The following MYOZ2 variants were observed in gnomAD, a reference collection of about 807,000 sequenced individuals.
MYOZ2 encodes the protein myozenin-2.
MYOZ2 carries 19 observed loss-of-function variants against 25.4 expected under a neutral mutation model. The ratio of observed to expected loss-of-function variants is 0.75; its 90% confidence interval spans 0.52 to 1.10. The LOEUF (loss-of-function observed/expected upper bound fraction) is 1.10, where lower values mean the gene tolerates loss of function less well. MYOZ2 is among the 50% of genes least tolerant of loss of function. MYOZ2 has a pLI of 0.00. For synonymous variants in MYOZ2, 92 were observed against 106.9 expected (o/e 0.86, Z 0.86); for missense variants, 270 against 317.9 (o/e 0.85, Z 1.15).
At chr4:119,152,907 G>C (rs1741484699) in intron 3 of MYOZ2, among the ~76,000 whole-genome samples, 1 of 152,042 alleles carries the variant, frequency 6.6e-6, no homozygotes, top group Non-Finnish European at 1.5e-5. Context: ...TAATAAAGAA[G>C]ATTGATACTC....
At chr4:119,174,545 T>G (rs1030222024) in intron 5 of MYOZ2, among the ~76,000 whole-genome samples, 2 of 152,168 alleles carry the variant, frequency 1.3e-5, no homozygotes, top group South Asian at 2.1e-4. Context: ...TGGTGGGGCC[T>G]TGGAGAACCT....
chr4:119,167,530 G>A (rs543574588), intron 5 of MYOZ2, among the ~76,000 whole-genome samples: 1 of 152,334 alleles, frequency 6.6e-6, no homozygotes. Flanking sequence ...TAGCTAAGAG[G>A]ATTGATGAAA....
At chr4:119,145,338 G>GT (rs60344545) in intron 2 of MYOZ2, among the ~76,000 whole-genome samples, 2,830 of 100,350 alleles carry the variant, frequency 0.028, 97 homozygotes, top group African/African-American at 0.064. Context: ...TGCGTGTGTG[G>GT]TTTTTTTTTT....
intron 5 of MYOZ2, among the ~76,000 whole-genome samples, chr4:119,182,211 A>G (rs1260110205): frequency 1.3e-5 from 2 of 152,238 alleles, no homozygotes; most frequent in East Asian, 1.9e-4. Flanking sequence ...CTCACTGGCT[A>G]TGGTAACTAT....
chr4:119,151,272 C>A (rs1176053717), intron 3 of MYOZ2, among the ~76,000 whole-genome samples: 2 of 151,994 alleles, frequency 1.3e-5, no homozygotes, highest in Admixed American at 1.3e-4. Flanking sequence ...GTAGATTTGG[C>A]ACTGAGGAAC....
chr4:119,143,821 G>A (rs1741226871), intron 2 of MYOZ2, among the ~76,000 whole-genome samples: 1 of 152,066 alleles, frequency 6.6e-6, no homozygotes, highest in African/African-American at 2.4e-5. Context: ...TTTTCCGACT[G>A]GCTTCTTTTA....
intron 4 of MYOZ2, among the ~76,000 whole-genome samples, chr4:119,159,287 A>C (rs1395453248): frequency 1.3e-5 from 2 of 152,062 alleles, no homozygotes; most frequent in Non-Finnish European, 2.9e-5. Flanking sequence ...TAAATAAAAC[A>C]AAAAAGAATT....
At chr4:119,184,010 T>C (rs559682225) in intron 5 of MYOZ2, among the ~76,000 whole-genome samples, 1 of 152,180 alleles carries the variant, frequency 6.6e-6, no homozygotes, top group African/African-American at 2.4e-5. Flanking sequence ...GAGATGGGTT[T>C]CTCCATGTTG....
chr4:119,156,634 T>A (rs189922740), intron 3 of MYOZ2, among the ~76,000 whole-genome samples: 1 of 152,354 alleles, frequency 6.6e-6, no homozygotes, highest in East Asian at 1.9e-4. Context: ...GTATTTTTGT[T>A]TAAAAAGCTA....
At chr4:119,139,818 T>C (rs1741122555) in intron 2 of MYOZ2, among the ~76,000 whole-genome samples, 1 of 152,200 alleles carries the variant, frequency 6.6e-6, no homozygotes, top group Admixed American at 6.5e-5. Context: ...TAAGCTTCAG[T>C]CACCCTACAG....
chr4:119,151,057 A>G lies in MYOZ2; in HGVS notation c.246+16A>G, dbSNP rs781452916. ...ACAAATAAATGTAGGTATAACTTGA[A>G]CAGGTAGTATCCAAATGAATGCGCA... is the stretch of plus-strand genomic sequence containing the variant. On this transcript the variant is annotated intron_variant, in intron 3 of 5. Coordinates refer to ENST00000307128, the MANE Select transcript of MYOZ2 (RefSeq NM_016599.5). 6.9e-6 allele frequency: 11 copies of G among 1,592,908 alleles called. No individual in the cohort carries two copies. The South Asian group carries it at 1.2e-4, about 18-fold the overall frequency.
chr4:119,184,673 CTCTG>C (rs1474984902), intron 5 of MYOZ2, among the ~76,000 whole-genome samples: 4 of 152,326 alleles, frequency 2.6e-5, no homozygotes, highest in Non-Finnish European at 5.9e-5. Flanking sequence ...ACACTTGAAA[CTCTG>C]TCTGGCACTG....
intron 5 of MYOZ2, among the ~76,000 whole-genome samples, chr4:119,173,435 T>C (rs976097636): frequency 8.5e-5 from 13 of 152,242 alleles, no homozygotes; most frequent in African/African-American, 1.9e-4. Context: ...AAAAATCTTA[T>C]GAGTAGTCTC....
chr4:119,157,570 C>T (rs994980801), intron 3 of MYOZ2, among the ~76,000 whole-genome samples: 4 of 151,732 alleles, frequency 2.6e-5, no homozygotes, highest in African/African-American at 7.3e-5. Flanking sequence ...ACTTTCTAGA[C>T]GTTAAAAAAT....
At chr4:119,150,696 G>C (rs928347090) in intron 2 of MYOZ2, among the ~76,000 whole-genome samples, 176 bp from the exon 3 acceptor site, 4 of 151,968 alleles carry the variant, frequency 2.6e-5, no homozygotes, top group Admixed American at 1.3e-4. Context: ...CTTTGCAATA[G>C]GTATTAGTAT....
intron 5 of MYOZ2, among the ~76,000 whole-genome samples, chr4:119,171,955 A>G (rs1277347603): frequency 6.6e-6 from 1 of 152,074 alleles, no homozygotes; most frequent in African/African-American, 2.4e-5. Context: ...TTACATTATG[A>G]TATGTAATTA....
At chr4:119,158,262 A>C in intron 4 of MYOZ2, 111 bp downstream of exon 4, 279 of 1,434,880 alleles carry the variant, frequency 1.9e-4, no homozygotes, top group East Asian at 6.6e-4. Flanking sequence ...ATCTTTTCTC[A>C]TTAAGTATGT....
chr4:119,175,439 T>C (rs1178689086), intron 5 of MYOZ2, among the ~76,000 whole-genome samples: 1 of 152,196 alleles, frequency 6.6e-6, no homozygotes, highest in African/African-American at 2.4e-5. Context: ...TTGTAATCTA[T>C]TGCATCTAAT....
At chr4:119,185,519 T>C (rs1359280861) in intron 5 of MYOZ2, among the ~76,000 whole-genome samples, 2 of 152,168 alleles carry the variant, frequency 1.3e-5, no homozygotes, top group African/African-American at 4.8e-5. Context: ...TTTGCCATGT[T>C]GGCCAGGCTG....
Sources: allele counts gnomAD v4.1 joint callset (sites outside exome capture counted in the v4.1 genomes callset), GRCh38; gene constraint gnomAD v4.1.1; transcripts MANE v1.5; gene names NCBI Gene and HGNC (gene_info 2026-07-23, HGNC 2026-07-21).